The following TAS2R1 variants were observed in gnomAD, a reference collection of about 807,000 sequenced individuals.
TAS2R1 encodes taste receptor type 2 member 1.
For synonymous variants in TAS2R1, 141 were observed against 134.2 expected, an observed-to-expected ratio of 1.05 and a Z score of -0.35; for missense variants, 370 against 353.4, an observed-to-expected ratio of 1.05 and a Z score of -0.38.
intron 2 of TAS2R1, among the ~76,000 whole-genome samples, chr5:9,639,593 C>T (rs1740032209): frequency 2.0e-5 from 3 of 152,348 alleles, no homozygotes; most frequent in South Asian, 2.1e-4. Flanking sequence ...TCTCCACACA[C>T]TGTTCTGCCA....
At chr5:9,652,308 T>C (rs991791158) in intron 2 of TAS2R1, among the ~76,000 whole-genome samples, 2 of 152,202 alleles carry the variant, frequency 1.3e-5, no homozygotes, top group Non-Finnish European at 2.9e-5. Context: ...TGAGCAGCTC[T>C]TTTTCCTGGA....
chr5:9,846,649 C>T, the TAS2R1 span, among the ~76,000 whole-genome samples: 1 of 151,622 alleles, frequency 6.6e-6, no homozygotes, highest in East Asian at 1.9e-4. Flanking sequence ...AATATCTGCT[C>T]ATGTCTAAAC....
the TAS2R1 span, among the ~76,000 whole-genome samples, chr5:9,826,987 C>T: frequency 1.3e-5 from 2 of 152,136 alleles, no homozygotes; most frequent in Non-Finnish European, 2.9e-5. Context: ...TTTAATCTAC[C>T]CTTTTAGCTC....
intron 1 of TAS2R1, among the ~76,000 whole-genome samples, chr5:9,693,620 G>GTT (rs772876225): frequency 1.8e-4 from 26 of 142,182 alleles, no homozygotes; most frequent in African/African-American, 6.4e-4. Context: ...CCTCAAGTCT[G>GTT]TTTTTTTTTT....
the TAS2R1 span, among the ~76,000 whole-genome samples, chr5:9,845,725 C>T: frequency 6.6e-6 from 1 of 152,126 alleles, no homozygotes; most frequent in Admixed American, 6.5e-5. Flanking sequence ...AATTAAGGAC[C>T]AAGTAAGAGA....
chr5:9,815,948 A>T, the TAS2R1 span, among the ~76,000 whole-genome samples: 1 of 152,172 alleles, frequency 6.6e-6, no homozygotes, highest in Admixed American at 6.6e-5. Flanking sequence ...AGAAACAGGC[A>T]TTTTTATCCT....
At chr5:9,730,561 G>A in the TAS2R1 span, among the ~76,000 whole-genome samples, 3 of 152,192 alleles carry the variant, frequency 2.0e-5, no homozygotes, top group African/African-American at 7.2e-5. Context: ...CAGGCACAGG[G>A]AGGCTGCTCA....
At chr5:9,830,687 T>C in the TAS2R1 span, among the ~76,000 whole-genome samples, 2 of 152,102 alleles carry the variant, frequency 1.3e-5, no homozygotes, top group African/African-American at 4.8e-5. Flanking sequence ...AGTTTCTGCA[T>C]TGGAAGGGAT....
At chr5:9,653,728 A>G (rs547051223) in intron 2 of TAS2R1, among the ~76,000 whole-genome samples, 1 of 152,124 alleles carries the variant, frequency 6.6e-6, no homozygotes, top group South Asian at 2.1e-4. Context: ...AAACATAAAC[A>G]AAAGAAGTGC....
At chr5:9,696,389 A>C (rs546582925) in intron 1 of TAS2R1, among the ~76,000 whole-genome samples, 22 of 151,848 alleles carry the variant, frequency 1.4e-4, no homozygotes, top group Admixed American at 3.9e-4. Context: ...GTGAAACCCT[A>C]TCTCTACTAA....
chr5:9,766,727 C>A, the TAS2R1 span, among the ~76,000 whole-genome samples: 1 of 152,198 alleles, frequency 6.6e-6, no homozygotes, highest in Admixed American at 6.5e-5. Flanking sequence ...CCTGAGTTTC[C>A]ATTCCTGGGC....
the TAS2R1 span, among the ~76,000 whole-genome samples, chr5:9,809,804 A>G: frequency 5.9e-5 from 9 of 152,262 alleles, no homozygotes; most frequent in Non-Finnish European, 1.2e-4. Context: ...TTCATTCTTA[A>G]ATGGGATCTC....
At chr5:9,781,857 A>T in the TAS2R1 span, among the ~76,000 whole-genome samples, 2 of 151,744 alleles carry the variant, frequency 1.3e-5, no homozygotes, top group Admixed American at 1.3e-4. Context: ...GCCTATCCTC[A>T]CCCTGCTCTG....
At chr5:9,874,976 C>A in the TAS2R1 span, among the ~76,000 whole-genome samples, 1 of 152,158 alleles carries the variant, frequency 6.6e-6, no homozygotes, top group African/African-American at 2.4e-5. Context: ...AAGGGTCCTT[C>A]TGAAACCTCT....
the TAS2R1 span, among the ~76,000 whole-genome samples, chr5:9,864,611 T>C: frequency 6.8e-6 from 1 of 146,940 alleles, no homozygotes; most frequent in African/African-American, 2.5e-5. Flanking sequence ...CCAGCCTGGG[T>C]GACAAGAGCT....
the TAS2R1 span, among the ~76,000 whole-genome samples, chr5:9,816,947 A>G: frequency 6.6e-6 from 1 of 152,148 alleles, no homozygotes; most frequent in Non-Finnish European, 1.5e-5. Context: ...TTTAAATTTC[A>G]TTCTTTCTAG....
At chr5:9,879,614 G>T in the TAS2R1 span, among the ~76,000 whole-genome samples, 1 of 151,942 alleles carries the variant, frequency 6.6e-6, no homozygotes, top group African/African-American at 2.4e-5. Flanking sequence ...CATTTGCAAG[G>T]CCTAATTTTA....
chr5:9,653,440 C>T (rs1042856230), intron 2 of TAS2R1, among the ~76,000 whole-genome samples: 5 of 152,146 alleles, frequency 3.3e-5, no homozygotes, highest in South Asian at 2.1e-4. Context: ...TTTACTTCTA[C>T]CTTTTGGTTG....
upstream of TAS2R1, among the ~76,000 whole-genome samples, chr5:9,717,021 C>G (rs1230746642): frequency 6.6e-6 from 1 of 152,192 alleles, no homozygotes; most frequent in South Asian, 2.1e-4. Flanking sequence ...TCACCACCTA[C>G]TCATAGCTGC....
Sources: gnomAD v4.1 joint callset for allele counts (sites outside exome capture counted in the v4.1 genomes callset) on GRCh38, gnomAD v4.1.1 for gene constraint, MANE v1.5 for transcripts, NCBI Gene and HGNC (gene_info 2026-07-23, HGNC 2026-07-21) for gene names.